The following PKM variants were observed in gnomAD, a reference collection of about 807,000 sequenced individuals.
PKM encodes pyruvate kinase PKM.
A neutral mutation model predicts 49.8 loss-of-function variants in PKM; 18 were observed. The ratio of observed to expected loss-of-function variants is 0.36; its 90% CI spans 0.25 to 0.54. The LOEUF is 0.54. PKM is among the 20% of genes least tolerant of loss of function. PKM has a pLI of 0.89. For synonymous variants in PKM, 239 were observed against 261.8 expected (o/e 0.91, Z 0.84); for missense variants, 508 against 713.8 (o/e 0.71, Z 3.28).
rs766376262 is a variant in PKM at position 72,202,891 on chromosome 15, C to G, written c.1141-271G>C. 6.1e-6 allele frequency: 6 copies of G among 985,600 alleles called. No homozygotes were observed. Among genetic ancestry groups the G allele is most frequent in the Non-Finnish European group, 9.6e-6 (6 of 627,118 alleles). 61.1% of individuals were successfully genotyped at this position (985,600 alleles called of 1,614,324 possible). ...TTGGTCCTGCCCTGCCATGACCTCC[C>G]TGGCGGTGTTCCTACAGACGAGAAG... On this transcript the variant is annotated intron_variant, in intron 8 of 10. Coordinates refer to ENST00000335181, the MANE Select transcript of PKM (RefSeq NM_002654.6). The surrounding 1 kb of genome is among the most constrained non-coding windows in gnomAD (Gnocchi z 4.5).
intron 2 of PKM, among the ~76,000 whole-genome samples, chr15:72,217,791 C>T (rs1037237999): frequency 6.6e-6 from 1 of 152,202 alleles, no homozygotes; most frequent in East Asian, 1.9e-4. Context: ...GCCAGATGTC[C>T]AACCACAGAA....
Position 72,208,866 on chromosome 15 carries a change from C to T in PKM, c.591G>A (p.Val197=). The change falls in exon 6 of 11, where the codon GTG becomes GTA. Residue 197 remains valine (V), a synonymous_variant. Coordinates refer to ENST00000335181, the MANE Select transcript of PKM (RefSeq NM_002654.6). The part of the protein sequence containing the change: ...QKGADFLVTE[V]ENGGSLGSKK... ...TGCTGCCCAAGGAGCCACCATTTTC[C>T]ACCTCCGTCACCAGGAAGTCGGCAC... The T allele has an allele frequency of 2.5e-6, 4 of 1,614,062 alleles. No homozygotes were observed. The highest frequency in any genetic ancestry group is 3.4e-6 in the Non-Finnish European group (4 of 1,179,988).
chr15:72,218,863 G>C (rs1408729156), intron 2 of PKM, 81 bp downstream of exon 2: 1 of 1,430,818 alleles, frequency 7.0e-7, no homozygotes, highest in Non-Finnish European at 9.8e-7. Flanking sequence ...AGGTTTGTTA[G>C]GACATTTAGT....
chr15:72,211,522 AAAAGAGG>A (rs1386752492), intron 3 of PKM, among the ~76,000 whole-genome samples: 1 of 152,096 alleles, frequency 6.6e-6, no homozygotes, highest in Admixed American at 6.5e-5. Context: ...TTGTTTGTTT[AAAAGAGG>A]GACTCAGGCT....
rs1305260940 is a variant in PKM, at chr15:72,200,062, G to A, written c.1490-306C>T. On this transcript the variant is annotated intron_variant, in intron 10 of 10. Transcript: ENST00000335181. The surrounding 1 kb of genome is among the most constrained non-coding windows in gnomAD (Gnocchi z 4.6). Reference sequence around the variant, plus strand: ...CTGATGATACCCTACCTTATACAGGGACAATGGCCACATCAGTACGTAATC... The same window carrying A: ...CTGATGATACCCTACCTTATACAGGAACAATGGCCACATCAGTACGTAATC... Among the ~76,000 whole-genome samples, 4 of 151,894 alleles carry A rather than the reference G, an allele frequency of 2.6e-5. No individual in the cohort carries two copies. The highest frequency in any genetic ancestry group is 9.7e-5 in the African/African-American group (4 of 41,302).
intron 1 of PKM, among the ~76,000 whole-genome samples, chr15:72,227,554 G>C (rs1185575894): frequency 6.6e-6 from 1 of 151,964 alleles, no homozygotes; most frequent in Non-Finnish European, 1.5e-5. Flanking sequence ...GACCAGCCTG[G>C]CCAACATGGT....
At chr15:72,231,470 C>T (rs1230107591), upstream of PKM, 5 of 152,556 alleles carry the variant, frequency 3.3e-5, no homozygotes, top group African/African-American at 7.2e-5. Flanking sequence ...GGCAACGGGG[C>T]CCGCCCCCGG....
intron 2 of PKM, among the ~76,000 whole-genome samples, chr15:72,217,994 C>A (rs1033929536): frequency 6.6e-6 from 1 of 152,134 alleles, no homozygotes; most frequent in Non-Finnish European, 1.5e-5. Context: ...GTTATGTAAT[C>A]CAATACATAC....
chr15:72,207,331 T>C (rs2082112790), intron 6 of PKM, 54 bp from the exon 7 acceptor site: 7 of 1,518,268 alleles, frequency 4.6e-6, no homozygotes, highest in Admixed American at 1.7e-5. Flanking sequence ...GCCACAAGTA[T>C]GGCAGTAGAC....
chr15:72,224,521 A>G (rs552952206), intron 1 of PKM, among the ~76,000 whole-genome samples: 1 of 152,288 alleles, frequency 6.6e-6, no homozygotes, highest in South Asian at 2.1e-4. Context: ...GAATTAAAGA[A>G]AAAAAAGTTT....
At chr15:72,212,813 T>A (rs1485669560) in intron 3 of PKM, among the ~76,000 whole-genome samples, 1 of 152,152 alleles carries the variant, frequency 6.6e-6, no homozygotes, top group Non-Finnish European at 1.5e-5. Context: ...GGCTCACGCC[T>A]GTAATCCCAG....
At position 72,202,956 on chromosome 15, in the gene PKM, TCTC is replaced by T; in HGVS notation, c.1141-339_1141-337del. On this transcript the variant is annotated intron_variant, in intron 8 of 10. Coordinates refer to ENST00000335181, the MANE Select transcript of PKM (RefSeq NM_002654.6). This position sits in a 1 kb window ranked among gnomAD's most constrained non-coding sequence, Gnocchi z 4.5. Reference sequence around the variant, plus strand: ...GATGCCAGGTTGGGCCTGGCTGTCTTCTCCTAGAGCAGGTGGAGCAAGAGGCTG... The same window carrying T: ...GATGCCAGGTTGGGCCTGGCTGTCTTCTAGAGCAGGTGGAGCAAGAGGCTG... 6.6e-7 allele frequency: 1 copy of T among 1,526,512 alleles called. No individual in the cohort carries two copies. The highest frequency in any genetic ancestry group is 1.1e-5 in the South Asian group (1 of 89,244). The allele number at this position is 1,526,512 out of a possible 1,614,324, so 94.6% of individuals were successfully genotyped here. A position where few individuals can be genotyped will look rare whatever the true frequency, so the allele number is the denominator to read the frequency against.
intron 10 of PKM, 62 bp from the exon 11 acceptor site, chr15:72,199,818 AGCT>A: frequency 9.3e-7 from 1 of 1,080,164 alleles, no homozygotes. Flanking sequence ...GCACCTGGGC[AGCT>A]GCCCCATAGC....
In PKM at chr15:72,207,271, A is replaced by C. The variant is rs753928665; in HGVS notation, c.843T>G (p.Asp281Glu). ...IENHEGVRRF[D>E]EILEASDGIM... ...TCCCATCACTGGCCTCCAGGATTTC[A>C]TCAAACCTGATGGACAAAGTTGGGG... Residue 281 changes from aspartate to glutamate, a missense_variant, in exon 7 of 11, where the codon GAT (aspartate) becomes GAG (glutamate). Asp to Glu is a conservative substitution (Grantham distance 45). Coordinates refer to ENST00000335181, the MANE Select transcript of PKM (RefSeq NM_002654.6). The C allele has an allele frequency of 6.2e-7, 1 of 1,614,100 alleles. No homozygotes were observed.
At position 72,214,389 on chromosome 15, in the gene PKM, C is replaced by T. The variant is rs8192401; in HGVS notation, c.246+3020G>A. ...TATATCATAATCTCTTAGAGCATCT[C>T]TGGGAGGTGTACTGAGTCTTCCACT... On this transcript the variant is annotated intron_variant, in intron 3 of 10. Transcript: ENST00000335181. Among the ~76,000 whole-genome samples, 1,021 of 152,274 alleles carry T rather than the reference C, an allele frequency of 6.7e-3. 12 individuals carry two copies. Among genetic ancestry groups the T allele is most frequent in the African/African-American group, 0.024 (978 of 41,554 alleles).
chr15:72,227,345 T>C (rs533099181), intron 1 of PKM, among the ~76,000 whole-genome samples: 1 of 152,350 alleles, frequency 6.6e-6, no homozygotes, highest in African/African-American at 2.4e-5. Context: ...CTGTGGACTT[T>C]TGGAGTGATT....
chr15:72,202,865 T>C lies in PKM; in HGVS notation c.1141-245A>G, dbSNP rs1030397447. On this transcript the variant is annotated intron_variant, in intron 8 of 10. Transcript: ENST00000335181. The surrounding 1 kb of genome is among the most constrained non-coding windows in gnomAD (Gnocchi z 4.5). ...CTGTGCCTACTGAGCCACAGGACCC[T>C]TTGGTCCTGCCCTGCCATGACCTCC... The C allele has an allele frequency of 1.2e-6, 1 of 815,192 alleles. No homozygotes were observed. The highest frequency in any genetic ancestry group is 1.7e-5 in the African/African-American group (1 of 59,558). The allele number at this position is 815,192 out of a possible 1,614,324, so 50.5% of individuals were successfully genotyped here.
intron 6 of PKM, among the ~76,000 whole-genome samples, chr15:72,207,589 G>T (rs8192413): frequency 0.024 from 3,676 of 152,300 alleles, 144 homozygotes; most frequent in African/African-American, 0.085. Context: ...CATGTTAGGG[G>T]TCTCTCTAGG....
At chr15:72,199,974 A>G (rs2140576689) in intron 10 of PKM, among the ~76,000 whole-genome samples, 1 of 152,278 alleles carries the variant, frequency 6.6e-6, no homozygotes, top group East Asian at 1.9e-4. Flanking sequence ...TTTGGACATC[A>G]TTCACTATCC....
Sources: gnomAD v4.1 joint callset for allele counts (sites outside exome capture counted in the v4.1 genomes callset) on GRCh38, gnomAD v4.1.1 for gene constraint, Gnocchi (gnomAD v3.1) non-coding constraint, MANE v1.5 for transcripts, NCBI Gene and HGNC (gene_info 2026-07-23, HGNC 2026-07-21) for gene names.